The following STX11 variants were observed in gnomAD, a reference collection of about 807,000 sequenced individuals.
The protein encoded by STX11 is syntaxin 11.
Under a neutral mutation model 19.9 loss-of-function variants are expected in STX11, and 21 were observed. The observed-to-expected ratio is 1.06, with a 90% confidence interval of 0.75 to 1.52. The LOEUF (loss-of-function observed/expected upper bound fraction) is 1.52, where lower values mean the gene tolerates loss of function less well. Ranked by LOEUF, STX11 falls within the 40% of genes most tolerant of loss-of-function variation. The probability of loss-of-function intolerance (pLI) is 0.00; values close to 1 mark genes in which losing one functional copy is unlikely to be tolerated. For missense variants in STX11, 438 were observed against 405.9 expected (o/e 1.08, Z -0.68); for synonymous variants, 193 against 174.4 (o/e 1.11, Z -0.84).
rs1041520377 is a variant in STX11 at position 144,150,551 on chromosome 6, C to A, written c.-158C>A. The A allele has an allele frequency of 1.0e-6, 1 of 985,452 alleles. No homozygotes were observed. The allele number at this position is 985,452 out of a possible 1,614,324, so 61.0% of individuals were successfully genotyped here. A position where few individuals can be genotyped will look rare whatever the true frequency, so the allele number is the denominator to read the frequency against. On this transcript the variant is annotated 5_prime_UTR_variant, in exon 1 of 2. Transcript: ENST00000367568. ...CGCGGCGGCGCGGAGCTCGGGCGGC[C>A]GTGGAGGAACTCAGCCTCGGCCGCA...
rs1801449623 is a variant in STX11, at chr6:144,165,344, A to G, written c.-6+14641A>G. On this transcript the variant is annotated intron_variant, in intron 1 of 1. Transcript: ENST00000367568. The surrounding 1 kb of genome is among the most constrained non-coding windows in gnomAD (Gnocchi z 5.8). Reference sequence around the variant, plus strand: ...GTGGTGCATGTCTGTAATCCCAGCTACTCGGGAGACTGAGGCAGGAGAATT... The same window carrying G: ...GTGGTGCATGTCTGTAATCCCAGCTGCTCGGGAGACTGAGGCAGGAGAATT... Among the ~76,000 whole-genome samples the G allele has an allele frequency of 6.6e-6, 1 of 151,838 alleles. No homozygotes were observed. The highest frequency in any genetic ancestry group is 1.5e-5 in the Non-Finnish European group (1 of 67,980).
Position 144,169,083 on chromosome 6 carries a change from A to G in STX11, c.-5-17540A>G, listed in dbSNP as rs780916343. On this transcript the variant is annotated intron_variant, in intron 1 of 1. Coordinates refer to ENST00000367568, the MANE Select transcript of STX11 (RefSeq NM_003764.4). This position sits in a 1 kb window ranked among gnomAD's most constrained non-coding sequence, Gnocchi z 5.2. ...TGATCTAAGCCTTTTTATTAGCATA[A>G]TGGATTGGTAAGAAATTCACTCCTT... 1.6e-4 allele frequency among the ~76,000 whole-genome samples: 25 copies of G among 152,210 alleles called. No individual in the cohort carries two copies. Among genetic ancestry groups the G allele is most frequent in the Non-Finnish European group, 2.8e-4 (19 of 68,044 alleles).
chr6:144,152,465 T>C lies in STX11; in HGVS notation c.-6+1762T>C, dbSNP rs1250018833. The stretch of plus-strand genomic sequence containing the variant: ...ATTTGATACATGATTTAAAAATGTA[T>C]GAATTTGAAAGGTATGGTTTTTAAA... On this transcript the variant is annotated intron_variant, in intron 1 of 1. Transcript: ENST00000367568. The surrounding 1 kb of genome is among the most constrained non-coding windows in gnomAD (Gnocchi z 4.9). 6.6e-6 allele frequency among the ~76,000 whole-genome samples: 1 copy of C among 152,216 alleles called. No individual in the cohort carries two copies. Among genetic ancestry groups the C allele is most frequent in the Non-Finnish European group, 1.5e-5 (1 of 68,042 alleles).
In STX11 at chr6:144,180,679, T is replaced by A. The variant is rs952819722; in HGVS notation, c.-5-5944T>A. Among the ~76,000 whole-genome samples the A allele has an allele frequency of 3.3e-5, 5 of 152,242 alleles. No homozygotes were observed. Among genetic ancestry groups the A allele is most frequent in the African/African-American group, 9.6e-5 (4 of 41,466 alleles). ...TCTTTTCTTCCCAGTCTTGGGTATG[T>A]CTTTATCAGCAGTGTGAAAATGGAC... is the stretch of plus-strand genomic sequence containing the variant. On this transcript the variant is annotated intron_variant, in intron 1 of 1. Coordinates refer to ENST00000367568, the MANE Select transcript of STX11 (RefSeq NM_003764.4). This position sits in a 1 kb window ranked among gnomAD's most constrained non-coding sequence, Gnocchi z 5.3.
intron 1 of STX11, among the ~76,000 whole-genome samples, chr6:144,171,129 G>A (rs1584038107): frequency 6.6e-6 from 1 of 152,194 alleles, no homozygotes; most frequent in East Asian, 1.9e-4. Context: ...CCCAGTAGCG[G>A]GAGAGCTGAG....
chr6:144,151,255 GGCAATGCCTGCGAGA>G lies in STX11; in HGVS notation c.-6+555_-6+569del. Reference sequence around the variant, plus strand: ...TTTTAGAAACATGGAGAGAAGTAGTGGCAATGCCTGCGAGAGCCACGCCGTCCTGAGAGGGAATTC... The same window carrying G: ...TTTTAGAAACATGGAGAGAAGTAGTGGCCACGCCGTCCTGAGAGGGAATTC... On this transcript the variant is annotated intron_variant, in intron 1 of 1. Coordinates refer to ENST00000367568, the MANE Select transcript of STX11 (RefSeq NM_003764.4). The surrounding 1 kb of genome is among the most constrained non-coding windows in gnomAD (Gnocchi z 4.6). 1 of 985,414 alleles carries G rather than the reference GGCAATGCCTGCGAGA, an allele frequency of 1.0e-6. No individual in the cohort carries two copies. The allele number at this position is 985,414 out of a possible 1,614,324, so 61.0% of individuals were successfully genotyped here.
At chr6:144,156,365 C>A (rs1801166192) in intron 1 of STX11, among the ~76,000 whole-genome samples, 1 of 152,106 alleles carries the variant, frequency 6.6e-6, no homozygotes, top group South Asian at 2.1e-4. Context: ...CACCTGGCCT[C>A]ATTTCCTTCT....
rs565757587 is a variant in STX11 at position 144,165,218 on chromosome 6, G to A, written c.-6+14515G>A. Among the ~76,000 whole-genome samples, 2 of 152,170 alleles carry A rather than the reference G, an allele frequency of 1.3e-5. No homozygotes were observed. Among genetic ancestry groups the A allele is most frequent in the Non-Finnish European group, 2.9e-5 (2 of 67,992 alleles). On this transcript the variant is annotated intron_variant, in intron 1 of 1. Transcript: ENST00000367568. The surrounding 1 kb of genome is among the most constrained non-coding windows in gnomAD (Gnocchi z 5.8). ...GCCTGTAATCCCAGCACTTTGGGAG[G>A]CTGAGGCGGGCAGATCACCTGAGGT...
rs1425569407 is a variant in STX11, at chr6:144,155,940, A to ATCTATCCTTTCTTTCTTTCTT, written c.-6+5240_-6+5241insATCCTTTCTTTCTTTCTTTCT. Among the ~76,000 whole-genome samples, 2 of 119,842 alleles carry ATCTATCCTTTCTTTCTTTCTT rather than the reference A, an allele frequency of 1.7e-5. No individual in the cohort carries two copies. Among genetic ancestry groups the ATCTATCCTTTCTTTCTTTCTT allele is most frequent in the Admixed American group, 8.8e-5 (1 of 11,404 alleles). 78.6% of individuals were successfully genotyped at this position (119,842 alleles called of 152,430 possible). ...CTAATTAAATGTGTTTTAAAATTTA[A>ATCTATCCTTTCTTTCTTTCTT]TCTTTCTTTCTTTCTTTCTTTCTTT... is the stretch of plus-strand genomic sequence containing the variant. On this transcript the variant is annotated intron_variant, in intron 1 of 1. Transcript: ENST00000367568. The surrounding 1 kb of genome is among the most constrained non-coding windows in gnomAD (Gnocchi z 4.5).
upstream of STX11, among the ~76,000 whole-genome samples, chr6:144,148,258 C>T (rs145310172): frequency 5.8e-4 from 88 of 152,306 alleles, no homozygotes; most frequent in Non-Finnish European, 8.2e-4. Flanking sequence ...GTTTTGCCCA[C>T]GCTGATATTT....
chr6:144,140,094 C>T, the STX11 span, among the ~76,000 whole-genome samples: 2 of 150,840 alleles, frequency 1.3e-5, no homozygotes, highest in African/African-American at 2.4e-5. Flanking sequence ...TCTGCAAGGT[C>T]TCAAAAAGAT....
At chr6:144,144,269 T>A in the STX11 span, among the ~76,000 whole-genome samples, 1 of 152,196 alleles carries the variant, frequency 6.6e-6, no homozygotes, top group Non-Finnish European at 1.5e-5. Flanking sequence ...AAGTCTGCAA[T>A]CACAGAGCTA....
rs1243575276 is a variant in STX11 at position 144,162,399 on chromosome 6, TTCTC to T, written c.-6+11700_-6+11703del. 6.6e-6 allele frequency among the ~76,000 whole-genome samples: 1 copy of T among 152,274 alleles called. No homozygotes were observed. Among genetic ancestry groups the T allele is most frequent in the Non-Finnish European group, 1.5e-5 (1 of 68,048 alleles). On this transcript the variant is annotated intron_variant, in intron 1 of 1. Transcript: ENST00000367568. The surrounding 1 kb of genome is among the most constrained non-coding windows in gnomAD (Gnocchi z 4.6). ...TTTCCAACATTGTGTTGCTGTTTTCTTCTCTCTTATTCTTTATCCTAGTTGGCTT... is the reference window on the plus strand; with the variant it reads ...TTTCCAACATTGTGTTGCTGTTTTCTTCTTATTCTTTATCCTAGTTGGCTT...
At position 144,152,813 on chromosome 6, in the gene STX11, T is replaced by C. The variant is rs748766874; in HGVS notation, c.-6+2110T>C. ...AACACCCGGCTAATTTTTGTATTTT[T>C]AGTAGGGACAAGGTTCGGCCCTGTT... On this transcript the variant is annotated intron_variant, in intron 1 of 1. Coordinates refer to ENST00000367568, the MANE Select transcript of STX11 (RefSeq NM_003764.4). The surrounding 1 kb of genome is among the most constrained non-coding windows in gnomAD (Gnocchi z 4.9). Among the ~76,000 whole-genome samples the C allele has an allele frequency of 6.6e-6, 1 of 152,244 alleles. No homozygotes were observed. Among genetic ancestry groups the C allele is most frequent in the Non-Finnish European group, 1.5e-5 (1 of 68,046 alleles).
In STX11 at chr6:144,150,661, C is replaced by T. The variant is rs973281360; in HGVS notation, c.-48C>T. 5.1e-6 allele frequency: 5 copies of T among 984,554 alleles called. No individual in the cohort carries two copies. Among genetic ancestry groups the T allele is most frequent in the African/African-American group, 3.5e-5 (2 of 56,944 alleles). 61.0% of individuals were successfully genotyped at this position (984,554 alleles called of 1,614,324 possible). A position where few individuals can be genotyped will look rare whatever the true frequency, so the allele number is the denominator to read the frequency against. On this transcript the variant is annotated 5_prime_UTR_variant, in exon 1 of 2. Transcript: ENST00000367568. ...CGCCCACAGGGGACGCGCGCCCTGC[C>T]GGGAGAGGGGCTTCTCGGTTCGCAC...
chr6:144,189,319 G>A lies in STX11; in HGVS notation c.*1828G>A, dbSNP rs1802154866. 6.6e-6 allele frequency among the ~76,000 whole-genome samples: 1 copy of A among 152,178 alleles called. No individual in the cohort carries two copies. The highest frequency in any genetic ancestry group is 1.5e-5 in the Non-Finnish European group (1 of 68,030). On this transcript the variant is annotated 3_prime_UTR_variant, in exon 2 of 2. Transcript: ENST00000367568. The stretch of plus-strand genomic sequence containing the variant: ...TTACAGGCCTGAGCCACTGACCCTG[G>A]CCAAATTTTTTTTCTACTAGCTACT...
intron 1 of STX11, among the ~76,000 whole-genome samples, chr6:144,179,985 A>G (rs1801868344): frequency 6.6e-6 from 1 of 152,144 alleles, no homozygotes; most frequent in Admixed American, 6.6e-5. Flanking sequence ...CCATTTGCAA[A>G]GACTCTCTTT....
At chr6:144,179,315 T>C (rs189822644) in intron 1 of STX11, among the ~76,000 whole-genome samples, 4 of 152,158 alleles carry the variant, frequency 2.6e-5, no homozygotes, top group African/African-American at 9.7e-5. Context: ...AAGATGAGAT[T>C]TGGGTGGGGA....
At chr6:144,146,563 C>T (rs532497359), upstream of STX11, among the ~76,000 whole-genome samples, 4 of 152,292 alleles carry the variant, frequency 2.6e-5, no homozygotes, top group Non-Finnish European at 5.9e-5. This position sits in a 1 kb window ranked among gnomAD's most constrained non-coding sequence, Gnocchi z 4.4. Flanking sequence ...TCGCCCGCCT[C>T]GGCCTCCCAA....
Sources: gnomAD v4.1 joint callset for allele counts (sites outside exome capture counted in the v4.1 genomes callset) on GRCh38, gnomAD v4.1.1 for gene constraint, Gnocchi (gnomAD v3.1) non-coding constraint, MANE v1.5 for transcripts, NCBI Gene and HGNC (gene_info 2026-07-23, HGNC 2026-07-21) for gene names.